The following PTPRJ variants were observed in gnomAD, a reference collection of about 807,000 sequenced individuals.
The protein encoded by PTPRJ is receptor-type tyrosine-protein phosphatase eta.
In PTPRJ, 129 loss-of-function variants were observed where a neutral mutation model predicts 141.3. That is an observed-to-expected ratio of 0.91 (90% CI 0.79 to 1.06). The LOEUF is 1.06. Among genes scored for constraint, PTPRJ ranks in the 50% least tolerant of loss-of-function variants. The pLI is 0.00. For synonymous variants in PTPRJ, 610 were observed against 640.5 expected (o/e 0.95, Z 0.72); for missense variants, 1,601 against 1,679.7 (o/e 0.95, Z 0.82).
chr11:48,032,628 A>G (rs1590420438), intron 1 of PTPRJ, among the ~76,000 whole-genome samples: 1 of 152,280 alleles, frequency 6.6e-6, no homozygotes, highest in Middle Eastern at 3.4e-3. Flanking sequence ...GCGTGGTGGC[A>G]CATGCCTGTA....
intron 6 of PTPRJ, among the ~76,000 whole-genome samples, chr11:48,126,775 A>AACACACACACACAC (rs10599361): frequency 4.4e-5 from 6 of 137,146 alleles, no homozygotes; most frequent in Admixed American, 2.2e-4. Flanking sequence ...AGTCTGTTGC[A>AACACACACACACAC]ACACACACAC....
Position 47,981,354 on chromosome 11 carries a change from CGGCCGGAGGG to C in PTPRJ, c.96+350_96+359del, listed in dbSNP as rs543102072. On this transcript the variant is annotated intron_variant, in intron 1 of 24. Transcript: ENST00000418331. ...ACGGGCCCGGCTTCCTAGCCGGAGGCGGCCGGAGGGGGCGTGTTTGCGGAGGTCTGGGGAC... is the reference window on the plus strand; with the variant it reads ...ACGGGCCCGGCTTCCTAGCCGGAGGCGGCGTGTTTGCGGAGGTCTGGGGAC... Among the ~76,000 whole-genome samples, 752 of 152,192 alleles carry C rather than the reference CGGCCGGAGGG, an allele frequency of 4.9e-3. 3 individuals carry two copies. The highest frequency in any genetic ancestry group is 0.013 in the African/African-American group (556 of 41,550).
intron 1 of PTPRJ, among the ~76,000 whole-genome samples, chr11:48,039,676 C>T (rs1007589538): frequency 4.6e-5 from 7 of 152,016 alleles, no homozygotes; most frequent in African/African-American, 1.4e-4. Flanking sequence ...TGGGTTTCAC[C>T]CCTCACCCCT....
At chr11:48,082,017 T>A (rs1167464793) in intron 1 of PTPRJ, among the ~76,000 whole-genome samples, 1 of 152,208 alleles carries the variant, frequency 6.6e-6, no homozygotes, top group East Asian at 1.9e-4. Flanking sequence ...TTCCTCTCTG[T>A]ATCCCCACTG....
At chr11:48,069,247 C>T (rs1346096758) in intron 1 of PTPRJ, among the ~76,000 whole-genome samples, 2 of 151,452 alleles carry the variant, frequency 1.3e-5, no homozygotes, top group African/African-American at 4.9e-5. Context: ...TTACAGGCGC[C>T]TGCCACCATG....
At chr11:48,102,464 A>G (rs1324972232) in intron 1 of PTPRJ, among the ~76,000 whole-genome samples, 3 of 152,192 alleles carry the variant, frequency 2.0e-5, no homozygotes, top group Admixed American at 2.0e-4. Context: ...GCTGGAGGAC[A>G]GTGGTGCGAT....
intron 1 of PTPRJ, among the ~76,000 whole-genome samples, chr11:48,039,757 A>G (rs1332153527): frequency 6.7e-6 from 1 of 150,332 alleles, no homozygotes; most frequent in East Asian, 1.9e-4. Flanking sequence ...TGACAGTAAT[A>G]GGTAAGTGTC....
rs528322876 is a variant in PTPRJ, at chr11:48,045,555, C to A, written c.97-64503C>A. 7.9e-5 allele frequency among the ~76,000 whole-genome samples: 12 copies of A among 152,328 alleles called. No homozygotes were observed. The East Asian group carries it at 2.3e-3, about 29-fold the overall frequency. ...TTGCAGATATCAAGGGCTTGTCTTT[C>A]CAGAGTTTGGTTTTCTTCCCTTCTC... is the stretch of plus-strand genomic sequence containing the variant. On this transcript the variant is annotated intron_variant, in intron 1 of 24. Transcript: ENST00000418331.
intron 1 of PTPRJ, among the ~76,000 whole-genome samples, chr11:48,085,528 A>T (rs1476410601): frequency 6.6e-6 from 1 of 152,082 alleles, no homozygotes; most frequent in Non-Finnish European, 1.5e-5. Context: ...TATTTTTAGT[A>T]GAGACGGGGT....
At chr11:48,137,544 T>C (rs369187666) in intron 10 of PTPRJ, among the ~76,000 whole-genome samples, 1 of 152,338 alleles carries the variant, frequency 6.6e-6, no homozygotes, top group East Asian at 1.9e-4. Context: ...AGTGGGATGT[T>C]TACCTAGAGT....
rs1857977665 is a variant in PTPRJ at position 48,168,556 on chromosome 11, A to ATG, written c.*1195_*1196insGT. The ATG allele has an allele frequency of 8.6e-6, 1 of 116,166 alleles. No homozygotes were observed. The highest frequency in any genetic ancestry group is 1.8e-5 in the Non-Finnish European group (1 of 55,300). 7.2% of individuals were successfully genotyped at this position (116,166 alleles called of 1,614,324 possible). On this transcript the variant is annotated 3_prime_UTR_variant, in exon 25 of 25. Transcript: ENST00000418331. ...TGTGTATATATATATATATATATAT[A>ATG]TATATATATATATATATATATATAT...
chr11:47,981,081 C>A, intron 1 of PTPRJ, 73 bp downstream of exon 1: 4 of 1,184,760 alleles, frequency 3.4e-6, no homozygotes, highest in Non-Finnish European at 4.2e-6. Flanking sequence ...CCTGCCCGAG[C>A]GTACCCCCCC....
At chr11:48,056,953 T>TCAAAACAAAACAAAA (rs761735478) in intron 1 of PTPRJ, among the ~76,000 whole-genome samples, 1 of 152,132 alleles carries the variant, frequency 6.6e-6, no homozygotes, top group African/African-American at 2.4e-5. Context: ...AAACTCTGTC[T>TCAAAACAAAACAAAA]CAAAACAAAA....
rs1275278029 is a variant in PTPRJ at position 47,996,097 on chromosome 11, G to T, written c.96+15089G>T. On this transcript the variant is annotated intron_variant, in intron 1 of 24. Transcript: ENST00000418331. ...GCCTGTAATCCCAGCACTATGGGAG[G>T]CCAAGGCGGGTGGATCACAAGGTCA... Among the ~76,000 whole-genome samples, 4 of 152,086 alleles carry T rather than the reference G, an allele frequency of 2.6e-5. No individual in the cohort carries two copies. The South Asian group carries it at 6.2e-4, about 24-fold the overall frequency.
chr11:48,114,022 T>A (rs1288738908), intron 3 of PTPRJ, among the ~76,000 whole-genome samples: 1 of 152,236 alleles, frequency 6.6e-6, no homozygotes, highest in Non-Finnish European at 1.5e-5. Flanking sequence ...TATTTATTTA[T>A]AATTTTTCAT....
At position 47,980,693 on chromosome 11, in the gene PTPRJ, C is replaced by G. The variant is rs1205645308; in HGVS notation, c.-220C>G. ...CTGCGCGCTCAGGGACGCGGCCCCC[C>G]CGCGGCAGCCGCGCTAGGCTCCGGC... On this transcript the variant is annotated 5_prime_UTR_variant, in exon 1 of 25. Coordinates refer to ENST00000418331, the MANE Select transcript of PTPRJ (RefSeq NM_002843.4). 1.0e-5 allele frequency: 10 copies of G among 991,526 alleles called. No individual in the cohort carries two copies. The Admixed American group carries it at 4.9e-4, about 49-fold the overall frequency. 61.4% of individuals were successfully genotyped at this position (991,526 alleles called of 1,614,324 possible).
In PTPRJ at chr11:48,007,251, C is replaced by A. The variant is rs1417882850; in HGVS notation, c.96+26243C>A. Among the ~76,000 whole-genome samples, 9 of 150,384 alleles carry A rather than the reference C, an allele frequency of 6.0e-5. No homozygotes were observed. In the South Asian group the frequency reaches 1.9e-3, roughly 32 times the overall value. ...GAGTAGCTGGGACTACAGGTGCCTG[C>A]CACCACGCCCGGCTAATTTTTTGTA... On this transcript the variant is annotated intron_variant, in intron 1 of 24. Transcript: ENST00000418331.
At chr11:48,066,879 C>A (rs149258181) in intron 1 of PTPRJ, among the ~76,000 whole-genome samples, 24 of 152,160 alleles carry the variant, frequency 1.6e-4, no homozygotes, top group Non-Finnish European at 2.5e-4. Flanking sequence ...AGCCACCGCC[C>A]CCAGCCTTCC....
chr11:48,138,268 C>G (rs1369387990), intron 10 of PTPRJ, among the ~76,000 whole-genome samples: 1 of 152,212 alleles, frequency 6.6e-6, no homozygotes. Context: ...CCCACCTGGT[C>G]TAGACACCCA....
Sources: allele counts gnomAD v4.1 joint callset (sites outside exome capture counted in the v4.1 genomes callset), GRCh38; gene constraint gnomAD v4.1.1; transcripts MANE v1.5; gene names NCBI Gene and HGNC (gene_info 2026-07-23, HGNC 2026-07-21).